The following TTN variants were observed in gnomAD, a reference collection of about 807,000 sequenced individuals.
TTN encodes titin, also known as connectin.
A neutral mutation model predicts 3,223.0 loss-of-function variants in TTN; 1,525 were observed. That is an observed-to-expected ratio of 0.47 (90% confidence interval 0.45 to 0.49). The LOEUF is 0.49. Among genes scored for constraint, TTN ranks in the 20% least tolerant of loss-of-function variants. TTN has a pLI of 0.00. For synonymous variants in TTN, 14,094 were observed against 15,161.0 expected (o/e 0.93, Z 5.17); for missense variants, 40,786 against 43,424.0 (o/e 0.94, Z 5.40).
In TTN at chr2:178,587,086, G is replaced by C. The variant is rs760697416; in HGVS notation, c.64093+32C>G. On this transcript the variant is annotated intron_variant, in intron 307 of 362. Coordinates refer to ENST00000589042, the MANE Select transcript of TTN (RefSeq NM_001267550.2). Reference sequence around the variant, plus strand: ...TGACCTTGCTAAAATAGGAGACTGGGGTTAAAAGGAGGAAGAAAGCATAAT... The same window carrying C: ...TGACCTTGCTAAAATAGGAGACTGGCGTTAAAAGGAGGAAGAAAGCATAAT... 2.2e-5 allele frequency: 35 copies of C among 1,610,902 alleles called. No individual in the cohort carries two copies. The Middle Eastern group carries it at 1.3e-3, about 61-fold the overall frequency.
At chr2:178,686,121 T>TA in intron 127 of TTN, among the ~76,000 whole-genome samples, 1 of 114,390 alleles carries the variant, frequency 8.7e-6, no homozygotes, top group Non-Finnish European at 1.7e-5. Context: ...TAATTTTTTT[T>TA]TTTTTTTTTT....
chr2:178,750,665 G>A (rs762530781), intron 47 of TTN: 8 of 1,612,694 alleles, frequency 5.0e-6, no homozygotes, highest in Non-Finnish European at 6.8e-6. Flanking sequence ...TCGTGTAGAA[G>A]CAGAGAGTTG....
rs371257087 is a variant in TTN at position 178,774,031 on chromosome 2, G to C, written c.7137C>G (p.Val2379=). The C allele has an allele frequency of 9.9e-6, 16 of 1,613,992 alleles. No homozygotes were observed. The Admixed American group carries it at 2.5e-4, about 25-fold the overall frequency. The change falls in exon 31 of 363, where the codon GTC becomes GTG. Residue 2379 remains valine, a synonymous_variant. Transcript: ENST00000589042. ...EGDIVQLEVK[V]SLESVEGVWM... ...AGACGCCTTCCACACTTTCCAAGGA[G>C]ACTTTAACTTCAAGCTGAACAATGT...
rs1471912514 is a variant in TTN, at chr2:178,587,275, T to C, written c.63936A>G (p.Thr21312=). 1.2e-6 allele frequency: 2 copies of C among 1,613,074 alleles called. No individual in the cohort carries two copies. The highest frequency in any genetic ancestry group is 2.7e-5 in the African/African-American group (2 of 74,856). Residue 21312 remains threonine (T), a synonymous_variant, in exon 307 of 363, where the codon ACA becomes ACG. Transcript: ENST00000589042. The part of the protein sequence containing the change: ...IVEKREADRK[T]WSTVTPEVKK... ...TAACTTCTGGGGTAACGGTCGACCA[T>C]GTCTTTCTGTCTGCCTCACGTTTCT...
chr2:178,617,244 T>C lies in TTN; in HGVS notation c.47761-10A>G. On this transcript the variant is annotated splice_polypyrimidine_tract_variant and intron_variant, in intron 254 of 362. Coordinates refer to ENST00000589042, the MANE Select transcript of TTN (RefSeq NM_001267550.2). ...TTTCCAATCCGGTAACCTACGATTA[T>C]GAATTAATATTTGTAAAAAACACAT... The C allele has an allele frequency of 6.5e-7, 1 of 1,536,098 alleles. No homozygotes were observed.
Position 178,667,618 on chromosome 2 carries a change from G to A in TTN, c.35629+20C>T, listed in dbSNP as rs2154262064. 6.3e-7 allele frequency: 1 copy of A among 1,584,398 alleles called. No homozygotes were observed. The highest frequency in any genetic ancestry group is 8.5e-7 in the Non-Finnish European group (1 of 1,172,254). ...CCAAAAAATAATTTTTCTTCAGAGT[G>A]GATCATTGGTGTTATATACCTTTTG... is the stretch of plus-strand genomic sequence containing the variant. On this transcript the variant is annotated intron_variant, in intron 160 of 362. Coordinates refer to ENST00000589042, the MANE Select transcript of TTN (RefSeq NM_001267550.2).
At chr2:178,748,652 ATTT>A (rs2084400971) in intron 47 of TTN, 1 of 1,612,714 alleles carries the variant, frequency 6.2e-7, no homozygotes, top group African/African-American at 1.3e-5. Flanking sequence ...TGTGTGTTTT[ATTT>A]GAGTGTGAAA....
intron 140 of TTN, 85 bp from the exon 141 acceptor site, chr2:178,679,767 A>T: frequency 6.5e-7 from 1 of 1,531,348 alleles, no homozygotes; most frequent in Non-Finnish European, 8.9e-7. Flanking sequence ...ATATTTCAGC[A>T]TCTAAAAATA....
intron 6 of TTN, 97 bp from the exon 7 acceptor site, chr2:178,795,349 G>T: frequency 8.8e-7 from 1 of 1,133,034 alleles, no homozygotes; most frequent in Non-Finnish European, 1.3e-6. Context: ...TTAAGGCAGA[G>T]TTTTAAAATG....
intron 112 of TTN, among the ~76,000 whole-genome samples, chr2:178,697,629 A>C (rs560078370): frequency 6.6e-5 from 10 of 152,308 alleles, no homozygotes; most frequent in African/African-American, 1.9e-4. Context: ...CTGAATGATG[A>C]ATGATGCCTT....
chr2:178,573,399 G>A lies in TTN; in HGVS notation c.72733C>T (p.His24245Tyr), dbSNP rs375467956. The A allele has an allele frequency of 2.0e-6, 3 of 1,520,046 alleles. No homozygotes were observed. Among genetic ancestry groups the A allele is most frequent in the African/African-American group, 2.8e-5 (2 of 71,740 alleles). The allele number at this position is 1,520,046 out of a possible 1,614,324, so 94.2% of individuals were successfully genotyped here. A position where few individuals can be genotyped will look rare whatever the true frequency, so the allele number is the denominator to read the frequency against. The change falls in exon 326 of 363, where the codon CAT becomes TAT. Residue 24245 changes from histidine (H) to tyrosine (Y), a missense_variant. Coordinates refer to ENST00000589042, the MANE Select transcript of TTN (RefSeq NM_001267550.2). Reference sequence around the variant, plus strand: ...TCACTTCCACCATCAGAATCAGGATGTCCCCAGCAGACAACCATCGAATCT... The same window carrying A: ...TCACTTCCACCATCAGAATCAGGATATCCCCAGCAGACAACCATCGAATCT... Reference protein sequence around the residue: ...TKDSMVVCWGHPDSDGGSEII... With the variant: ...TKDSMVVCWGYPDSDGGSEII...
At position 178,704,624 on chromosome 2, in the gene TTN, T is replaced by A; in HGVS notation, c.29848A>T (p.Ser9950Cys). 3 of 1,612,656 alleles carry A rather than the reference T, an allele frequency of 1.9e-6. No homozygotes were observed. The highest frequency in any genetic ancestry group is 2.5e-6 in the Non-Finnish European group (3 of 1,179,094). Residue 9950 changes from serine (S) to cysteine (C), a missense_variant, in exon 105 of 363, where the codon AGC (serine) becomes TGC (cysteine). Ser to Cys is a moderately radical substitution (Grantham distance 112). Transcript: ENST00000589042. ...AGTGTATGTCGGTCACCATCAATGC[T>A]TATTTCAAATTTATCACTGGGTTCC... ...KLEPSDKFEI[S>C]IDGDRHTLRV...
In TTN at chr2:178,609,441, G is replaced by A; in HGVS notation, c.51869C>T (p.Pro17290Leu). The A allele has an allele frequency of 1.2e-6, 2 of 1,612,198 alleles. No individual in the cohort carries two copies. Among genetic ancestry groups the A allele is most frequent in the Non-Finnish European group, 1.7e-6 (2 of 1,179,066 alleles). ...TGCTGCACGCTTCTTAATTTCCTCT[G>A]GTACAATAACATTTTCATCCTTTAT... ...TWIKDENVIV[P>L]EEIKKRAAPL... Residue 17290 changes from proline (P) to leucine (L), a missense_variant, in exon 273 of 363, where the codon CCA (proline) becomes CTA (leucine). By Grantham distance (98) the Pro-to-Leu change is moderately conservative (BLOSUM62 -3). Transcript: ENST00000589042.
intron 47 of TTN, chr2:178,748,868 A>G (rs1561001227): frequency 1.2e-6 from 2 of 1,612,446 alleles, no homozygotes; most frequent in South Asian, 1.1e-5. Context: ...TGCCTGATAC[A>G]TATTTGCATT....
Position 178,572,790 on chromosome 2 carries a change from G to C in TTN, c.73342C>G (p.Leu24448Val), listed in dbSNP as rs1400578707. 3 of 1,613,358 alleles carry C rather than the reference G, an allele frequency of 1.9e-6. No individual in the cohort carries two copies. The East Asian group carries it at 6.7e-5, about 36-fold the overall frequency. The stretch of plus-strand genomic sequence containing the variant: ...GGCCTTCCTTTGATGGGAACAAAAA[G>C]TCTCAGGGTGCAGCAGGCCCTTATA... ...VTIRACCTLRLFVPIKGRPAP... is the reference protein window; with the variant it reads ...VTIRACCTLRVFVPIKGRPAP... Residue 24448 changes from leucine to valine, a missense_variant, in exon 326 of 363, where the codon CTT (leucine) becomes GTT (valine). By Grantham distance (32) the Leu-to-Val change is conservative. Coordinates refer to ENST00000589042, the MANE Select transcript of TTN (RefSeq NM_001267550.2).
intron 117 of TTN, 35 bp downstream of exon 117, chr2:178,694,564 T>C: frequency 6.6e-7 from 1 of 1,515,256 alleles, no homozygotes; most frequent in Non-Finnish European, 8.9e-7. Context: ...AATAAAAAAA[T>C]TTTGAACTTG....
chr2:178,749,464 A>T (rs749813571), intron 47 of TTN: 2 of 1,612,968 alleles, frequency 1.2e-6, no homozygotes. Context: ...CAATAGTCTC[A>T]AGGCTTTGAA....
Position 178,557,732 on chromosome 2 carries a change from ATTC to A in TTN, c.87619_87621del (p.Glu29207del), listed in dbSNP as rs753636173. The A allele has an allele frequency of 1.9e-5, 31 of 1,613,810 alleles. No individual in the cohort carries two copies. The highest frequency in any genetic ancestry group is 1.2e-4 in the Admixed American group (7 of 60,004). ...TTTTCTGCCTTGATGCGGAATTGGT[ATTC>A]TTCTCCTGTGGTCAGTTTCATGACT... On this transcript the variant is annotated inframe_deletion, in exon 328 of 363. Coordinates refer to ENST00000589042, the MANE Select transcript of TTN (RefSeq NM_001267550.2).
At chr2:178,711,436 G>T in intron 96 of TTN, 87 bp from the exon 97 acceptor site, 1 of 1,279,602 alleles carries the variant, frequency 7.8e-7, no homozygotes, top group Non-Finnish European at 1.1e-6. Context: ...ACGTATATAT[G>T]CAATTTCTAT....
Sources: gnomAD v4.1 joint callset for allele counts (sites outside exome capture counted in the v4.1 genomes callset) on GRCh38, gnomAD v4.1.1 for gene constraint, MANE v1.5 for transcripts, NCBI Gene and HGNC (gene_info 2026-07-23, HGNC 2026-07-21) for gene names.